The following DHX37 variants were observed in gnomAD, a reference collection of about 807,000 sequenced individuals.
DHX37 encodes DEAH-box helicase 37, also known as probable ATP-dependent RNA helicase DHX37.
DHX37 carries 52 observed loss-of-function variants against 134.3 expected under a neutral mutation model. The observed-to-expected ratio is 0.39, with a 90% CI of 0.31 to 0.49. DHX37 has a LOEUF of 0.49. Among genes scored for constraint, DHX37 ranks in the 20% least tolerant of loss-of-function variants. The probability of loss-of-function intolerance (pLI) is 0.93; values close to 1 mark genes in which losing one functional copy is unlikely to be tolerated. For synonymous variants in DHX37, 634 were observed against 670.7 expected (o/e 0.95, Z 0.85); for missense variants, 1,344 against 1,580.8 (o/e 0.85, Z 2.54).
At chr12:124,967,414 G>A (rs547397346) in intron 10 of DHX37, among the ~76,000 whole-genome samples, 196 bp from the exon 11 acceptor site, 15 of 152,260 alleles carry the variant, frequency 9.9e-5, no homozygotes, top group African/African-American at 3.6e-4. Flanking sequence ...CAACAAACAC[G>A]GCGACTGCAC....
Position 124,964,555 on chromosome 12 carries a change from G to A in DHX37, c.1884C>T (p.Thr628=), listed in dbSNP as rs199889877. Residue 628 remains threonine, a synonymous_variant, in exon 15 of 27, where the codon ACC becomes ACT. Coordinates refer to ENST00000308736, the MANE Select transcript of DHX37 (RefSeq NM_032656.4). The stretch of plus-strand genomic sequence containing the variant: ...CCACCACGTACTTGATGCCAGGGAT[G>A]GTAAGCGACGTCTCGGCCACATTGG... ...VATNVAETSL[T]IPGIKYVVDC... 3.7e-6 allele frequency: 6 copies of A among 1,613,526 alleles called. No individual in the cohort carries two copies. In the East Asian group the frequency reaches 6.7e-5, roughly 18 times the overall value.
chr12:124,967,320 G>T, intron 10 of DHX37, 102 bp from the exon 11 acceptor site: 1 of 1,274,696 alleles, frequency 7.8e-7, no homozygotes. Context: ...AGGTTCCAGG[G>T]ATAATGGGGG....
intron 4 of DHX37, 69 bp from the exon 5 acceptor site, chr12:124,977,559 G>A: frequency 6.7e-7 from 1 of 1,481,928 alleles, no homozygotes; most frequent in South Asian, 1.4e-5. Context: ...CTCCAGGAAG[G>A]TGGCAGCTGA....
rs1953941382 is a variant in DHX37, at chr12:124,949,973, C to T, written c.3290+13G>A. ...CCTCCTGCCCACTGCGAGGCTCCCA[C>T]CGAAGGCAGTACCTGGCCCACGTCT... On this transcript the variant is annotated intron_variant, in intron 25 of 26. Transcript: ENST00000308736. This position sits in a 1 kb window ranked among gnomAD's most constrained non-coding sequence, Gnocchi z 4.0. 6.2e-7 allele frequency: 1 copy of T among 1,603,152 alleles called. No homozygotes were observed. The highest frequency in any genetic ancestry group is 1.1e-5 in the South Asian group (1 of 89,658).
chr12:124,961,223 C>CT (rs1491479052), intron 15 of DHX37, among the ~76,000 whole-genome samples: 15 of 114,274 alleles, frequency 1.3e-4, no homozygotes, highest in African/African-American at 7.0e-4. Context: ...CGCACGCACA[C>CT]GCACGCACAC....
chr12:124,965,154 G>T, intron 13 of DHX37, 148 bp from the exon 14 acceptor site: 1 of 874,100 alleles, frequency 1.1e-6, no homozygotes, highest in Non-Finnish European at 1.7e-6. Flanking sequence ...GACCAGCCAG[G>T]CCAAGCCTGG....
At chr12:124,981,078 T>G (rs1004428214) in intron 3 of DHX37, among the ~76,000 whole-genome samples, 21 of 152,130 alleles carry the variant, frequency 1.4e-4, no homozygotes, top group African/African-American at 5.1e-4. Context: ...TCCACCTCGC[T>G]CTTCCCTGCT....
chr12:124,961,825 G>GGCCA (rs1460140687), intron 15 of DHX37, among the ~76,000 whole-genome samples: 8 of 152,024 alleles, frequency 5.3e-5, no homozygotes, highest in African/African-American at 1.7e-4. Flanking sequence ...ATGCATAAAG[G>GGCCA]GCCAATAAGT....
chr12:124,971,269 T>C, intron 8 of DHX37, 33 bp downstream of exon 8: 2 of 1,602,062 alleles, frequency 1.2e-6, no homozygotes, highest in Non-Finnish European at 1.7e-6. Context: ...GGCCTAGGGC[T>C]CGGGGCTCCC....
At chr12:124,960,211 C>T in intron 16 of DHX37, 101 bp downstream of exon 16, 1 of 1,515,898 alleles carries the variant, frequency 6.6e-7, no homozygotes, top group East Asian at 2.3e-5. Context: ...GCAGCTGCCG[C>T]AGGCCAGGCA....
rs1954543399 is a variant in DHX37 at position 124,972,556 on chromosome 12, C to T, written c.1024G>A (p.Glu342Lys). 6 of 1,614,214 alleles carry T rather than the reference C, an allele frequency of 3.7e-6. No homozygotes were observed. The highest frequency in any genetic ancestry group is 5.1e-6 in the Non-Finnish European group (6 of 1,180,040). The change falls in exon 7 of 27, where the codon GAG becomes AAG. Residue 342 changes from glutamate (E) to lysine (K), a missense_variant. This residue lies in a region of DHX37 where 30 missense variants were observed against 72.5 expected (regional missense o/e 0.41). Transcript: ENST00000308736. The part of the protein sequence containing the change: ...QIRYEGNVTE[E>K]TRIKFMTDGV... Reference sequence around the variant, plus strand: ...TCCGTCATGAACTTGATTCTGGTCTCCTCTGTCACGTTTCCTTCATACCGG... The same window carrying T: ...TCCGTCATGAACTTGATTCTGGTCTTCTCTGTCACGTTTCCTTCATACCGG...
Position 124,949,865 on chromosome 12 carries a change from G to T in DHX37, c.3290+121C>A. Reference sequence around the variant, plus strand: ...GGCTCTGCAGAGCCTTCAGACCTGAGCACAGACTTCTGATGTTTTAAGCCT... The same window carrying T: ...GGCTCTGCAGAGCCTTCAGACCTGATCACAGACTTCTGATGTTTTAAGCCT... On this transcript the variant is annotated intron_variant, in intron 25 of 26. Coordinates refer to ENST00000308736, the MANE Select transcript of DHX37 (RefSeq NM_032656.4). This position sits in a 1 kb window ranked among gnomAD's most constrained non-coding sequence, Gnocchi z 4.0. 8.7e-7 allele frequency: 1 copy of T among 1,155,772 alleles called. No homozygotes were observed. The highest frequency in any genetic ancestry group is 1.2e-6 in the Non-Finnish European group (1 of 814,486). The allele number at this position is 1,155,772 out of a possible 1,614,324, so 71.6% of individuals were successfully genotyped here.
In DHX37 at chr12:124,968,640, G is replaced by A. The variant is rs950622312; in HGVS notation, c.1302C>T (p.Ser434=). The A allele has an allele frequency of 6.2e-7, 1 of 1,614,086 alleles. No individual in the cohort carries two copies. ...AKPPPVIKVE[S]RQFPVTVHFN... ...AATGCACAGTCACTGGGAACTGCCTGGATTCCACCTGTGGGACGCCCAGGA... is the reference window on the plus strand; with the variant it reads ...AATGCACAGTCACTGGGAACTGCCTAGATTCCACCTGTGGGACGCCCAGGA... Residue 434 remains serine, a synonymous_variant, in exon 10 of 27, where the codon TCC becomes TCT. Coordinates refer to ENST00000308736, the MANE Select transcript of DHX37 (RefSeq NM_032656.4).
chr12:124,962,045 C>CA (rs1030923028), intron 15 of DHX37, among the ~76,000 whole-genome samples: 13 of 151,764 alleles, frequency 8.6e-5, no homozygotes, highest in South Asian at 2.1e-4. Flanking sequence ...TAAAACAAAA[C>CA]AAAAAAAACA....
intron 6 of DHX37, among the ~76,000 whole-genome samples, chr12:124,975,183 A>G (rs1954609006): frequency 6.6e-6 from 1 of 152,102 alleles, no homozygotes; most frequent in Non-Finnish European, 1.5e-5. Flanking sequence ...GAGCCCCTGG[A>G]TGGGCCACTC....
rs527656102 is a variant in DHX37 at position 124,952,753 on chromosome 12, C to A, written c.2696-183G>T. ...CAGCAGGCAGGATTGCAGCCGCCCCCCCATTCCCTCCTTCTCCCTTGGGAC... is the reference window on the plus strand; with the variant it reads ...CAGCAGGCAGGATTGCAGCCGCCCCACCATTCCCTCCTTCTCCCTTGGGAC... On this transcript the variant is annotated intron_variant, in intron 20 of 26. Coordinates refer to ENST00000308736, the MANE Select transcript of DHX37 (RefSeq NM_032656.4). The A allele has an allele frequency of 1.2e-4, 54 of 467,314 alleles. No homozygotes were observed. In the Middle Eastern group the frequency reaches 3.5e-3, roughly 30 times the overall value. The allele number at this position is 467,314 out of a possible 1,614,324, so 28.9% of individuals were successfully genotyped here.
chr12:124,970,975 G>T (rs1029424430), intron 8 of DHX37, among the ~76,000 whole-genome samples: 2 of 152,258 alleles, frequency 1.3e-5, no homozygotes, highest in Non-Finnish European at 2.9e-5. Flanking sequence ...TGATCCCAGA[G>T]GCCCAGAGGC....
chr12:124,950,825 T>G (rs763826752), intron 21 of DHX37, 21 bp from the exon 22 acceptor site: 3 of 1,592,810 alleles, frequency 1.9e-6, no homozygotes, highest in Admixed American at 1.9e-5. Context: ...TGGAGAGTGA[T>G]GTGGTCAGGG....
In DHX37 at chr12:124,971,332, G is replaced by A; in HGVS notation, c.1161C>T (p.Leu387=). 6.2e-7 allele frequency: 1 copy of A among 1,613,240 alleles called. No individual in the cohort carries two copies. Among genetic ancestry groups the A allele is most frequent in the Non-Finnish European group, 8.5e-7 (1 of 1,179,996 alleles). Residue 387 remains leucine, a synonymous_variant, in exon 8 of 27, where the codon CTC becomes CTT. Coordinates refer to ENST00000308736, the MANE Select transcript of DHX37 (RefSeq NM_032656.4). ...RSVYTDILIG[L]LSRIVTLRAK... Reference sequence around the variant, plus strand: ...CCCGGAGAGTCACAATGCGGGACAGGAGGCCGATGAGGATGTCCGTGTACA... The same window carrying A: ...CCCGGAGAGTCACAATGCGGGACAGAAGGCCGATGAGGATGTCCGTGTACA...
Sources: allele counts gnomAD v4.1 joint callset (sites outside exome capture counted in the v4.1 genomes callset), GRCh38; gene constraint gnomAD v4.1.1; regional missense constraint gnomAD v4.1.1; non-coding constraint Gnocchi (gnomAD v3.1); transcripts MANE v1.5; gene names NCBI Gene and HGNC (gene_info 2026-07-23, HGNC 2026-07-21).